Variants in VPS13B observed in about 807,000 individuals in gnomAD.
The protein encoded by VPS13B is vacuolar protein sorting 13 homolog B, also known as intermembrane lipid transfer protein VPS13B.
Under a neutral mutation model 426.4 loss-of-function variants are expected in VPS13B, and 285 were observed. That is an observed-to-expected ratio of 0.67 (90% confidence interval 0.61 to 0.74). The LOEUF (loss-of-function observed/expected upper bound fraction) is 0.74, where lower values mean the gene tolerates loss of function less well. VPS13B is among the 30% of genes least tolerant of loss of function. The pLI, the probability that VPS13B is intolerant of heterozygous loss-of-function variation, is 0.00. For missense variants in VPS13B, 4,537 were observed against 4,782.6 expected, an observed-to-expected ratio of 0.95 and a Z score of 1.51; for synonymous variants, 1,676 against 1,676.4, an observed-to-expected ratio of 1.00 and a Z score of 0.01.
chr8:99,181,614 A>G (rs375665204), intron 16 of VPS13B, among the ~76,000 whole-genome samples: 10 of 152,236 alleles, frequency 6.6e-5, no homozygotes, highest in African/African-American at 2.4e-4. Context: ...TGCCTGACAC[A>G]TAACAAGTTC....
chr8:99,859,495 TC>T lies in VPS13B; in HGVS notation c.11044+17del. On this transcript the variant is annotated intron_variant, in intron 57 of 61. Coordinates refer to ENST00000357162, the MANE Select transcript of VPS13B (RefSeq NM_152564.5). The stretch of plus-strand genomic sequence containing the variant: ...CATCTCCAAAGGTAGCGGGTTCCGT[TC>T]CTTGTAATAATGCCTTCACTCCTTC... The T allele has an allele frequency of 6.2e-7, 1 of 1,612,732 alleles. No individual in the cohort carries two copies. The highest frequency in any genetic ancestry group is 8.5e-7 in the Non-Finnish European group (1 of 1,179,940).
chr8:99,530,054 T>A (rs1020822866), intron 30 of VPS13B, among the ~76,000 whole-genome samples: 4 of 152,228 alleles, frequency 2.6e-5, no homozygotes, highest in Non-Finnish European at 5.9e-5. Context: ...AACTTCCAGT[T>A]TAGCCTTTCA....
At chr8:99,522,050 T>C (rs892187012) in intron 30 of VPS13B, among the ~76,000 whole-genome samples, 1 of 152,156 alleles carries the variant, frequency 6.6e-6, no homozygotes, top group African/African-American at 2.4e-5. Flanking sequence ...TTAGGAATTA[T>C]CTAACTCAAC....
intron 23 of VPS13B, among the ~76,000 whole-genome samples, chr8:99,455,165 A>T (rs1818389597): frequency 6.6e-6 from 1 of 152,144 alleles, no homozygotes; most frequent in Admixed American, 6.6e-5. Flanking sequence ...TGTTAGGTGT[A>T]AAAAGTCATC....
chr8:99,178,663 C>T (rs1209330130), intron 16 of VPS13B, among the ~76,000 whole-genome samples: 1 of 151,452 alleles, frequency 6.6e-6, no homozygotes, highest in Non-Finnish European at 1.5e-5. Flanking sequence ...GTTCTGTCAC[C>T]CAGGCTGGAG....
chr8:99,364,543 C>A (rs765990224), intron 19 of VPS13B, among the ~76,000 whole-genome samples: 23 of 152,092 alleles, frequency 1.5e-4, no homozygotes, highest in Non-Finnish European at 2.8e-4. Flanking sequence ...AGTGACCCTC[C>A]CACCTCAGCT....
intron 50 of VPS13B, among the ~76,000 whole-genome samples, chr8:99,822,095 C>T (rs1322446292): frequency 6.6e-6 from 1 of 152,152 alleles, no homozygotes; most frequent in Admixed American, 6.5e-5. Flanking sequence ...AATAATATAA[C>T]TAATCACATT....
intron 19 of VPS13B, among the ~76,000 whole-genome samples, chr8:99,381,286 T>G (rs563527503): frequency 1.3e-5 from 2 of 152,352 alleles, no homozygotes; most frequent in South Asian, 4.1e-4. Flanking sequence ...GTAACACATT[T>G]CCATTATCCA....
chr8:99,527,000 A>AT (rs536504537), intron 30 of VPS13B, among the ~76,000 whole-genome samples: 98 of 152,070 alleles, frequency 6.4e-4, no homozygotes, highest in Middle Eastern at 3.4e-3. Context: ...GATTAAATCC[A>AT]TTTTTTTTAC....
At chr8:99,424,413 A>C (rs1315112920) in intron 21 of VPS13B, 1 of 152,160 alleles carries the variant, frequency 6.6e-6, no homozygotes, top group East Asian at 1.9e-4. Flanking sequence ...ACTCACTCAA[A>C]ACCACTCAAC....
At chr8:99,699,955 G>A (rs762406789) in intron 36 of VPS13B, 23 bp downstream of exon 36, 3 of 1,612,100 alleles carry the variant, frequency 1.9e-6, no homozygotes, top group East Asian at 2.2e-5. Flanking sequence ...AAAGGGGAGG[G>A]GGGAGACAGA....
chr8:99,803,751 C>T (rs1025004974), intron 43 of VPS13B, among the ~76,000 whole-genome samples: 6 of 152,146 alleles, frequency 3.9e-5, no homozygotes, highest in Non-Finnish European at 2.9e-5. Flanking sequence ...CATTTTTATG[C>T]TAATTTAGTA....
Position 99,696,703 on chromosome 8 carries a change from C to A in VPS13B, c.6047-2822C>A, listed in dbSNP as rs542810874. On this transcript the variant is annotated intron_variant, in intron 35 of 61. Transcript: ENST00000357162. ...AAGAACATAGCAGCCAAGGGCAGTG[C>A]CACCAGACTTCTCCGTTTTCCCAGA... 103 of 829,304 alleles carry A rather than the reference C, an allele frequency of 1.2e-4. No individual in the cohort carries two copies. The African/African-American group carries it at 1.6e-3, about 13-fold the overall frequency. 51.4% of individuals were successfully genotyped at this position (829,304 alleles called of 1,614,324 possible). A position where few individuals can be genotyped will look rare whatever the true frequency, so the allele number is the denominator to read the frequency against.
At chr8:99,099,065 T>TATAG (rs1846589777) in intron 4 of VPS13B, among the ~76,000 whole-genome samples, 1 of 152,106 alleles carries the variant, frequency 6.6e-6, no homozygotes, top group South Asian at 2.1e-4. Context: ...TCTTAAATAA[T>TATAG]ATAGTATCAC....
intron 19 of VPS13B, among the ~76,000 whole-genome samples, chr8:99,278,224 G>A (rs1388900942): frequency 6.6e-6 from 1 of 152,126 alleles, no homozygotes; most frequent in Non-Finnish European, 1.5e-5. Flanking sequence ...GGGGATGGGT[G>A]GTTAAATGGG....
Position 99,766,928 on chromosome 8 carries a change from GA to G in VPS13B, c.7207del (p.Ile2403LeufsTer3). 1 of 1,613,968 alleles carries G rather than the reference GA, an allele frequency of 6.2e-7. No individual in the cohort carries two copies. The highest frequency in any genetic ancestry group is 2.2e-5 in the East Asian group (1 of 44,802). On this transcript the variant is annotated frameshift_variant, in exon 40 of 62. Transcript: ENST00000357162. LOFTEE classifies it high-confidence loss of function. The part of the protein sequence containing the change: ...QKKLVSSDLW[R>X]IVLNSSQNGA... ...AAATTAGTATCTTCAGATCTTTGGA[GA>G]ATTGTCTTGAACAGCAGTCAAAATG...
chr8:99,414,234 C>G lies in VPS13B; in HGVS notation c.3083-17303C>G, dbSNP rs577610878. 4.8e-5 allele frequency among the ~76,000 whole-genome samples: 7 copies of G among 147,334 alleles called. No individual in the cohort carries two copies. In the South Asian group the frequency reaches 1.5e-3, roughly 31 times the overall value. On this transcript the variant is annotated intron_variant, in intron 21 of 61. Transcript: ENST00000357162. ...TTTTATCAGAGACTAGGATTGCAAC[C>G]CCTGCTTTTTTTTTTTTTTTGCTTT... is the stretch of plus-strand genomic sequence containing the variant.
intron 56 of VPS13B, among the ~76,000 whole-genome samples, chr8:99,857,887 T>C (rs2130928854): frequency 6.6e-6 from 1 of 152,334 alleles, no homozygotes; most frequent in Middle Eastern, 3.4e-3. Flanking sequence ...CCAGAAATTA[T>C]TCCCTCCTTT....
At chr8:99,722,270 GT>G (rs1427841785) in intron 39 of VPS13B, among the ~76,000 whole-genome samples, 1 of 152,074 alleles carries the variant, frequency 6.6e-6, no homozygotes, top group Non-Finnish European at 1.5e-5. Context: ...GCATTTCCTT[GT>G]TTTGCTTTCT....
Sources: gnomAD v4.1 joint callset for allele counts (sites outside exome capture counted in the v4.1 genomes callset) on GRCh38, gnomAD v4.1.1 for gene constraint, MANE v1.5 for transcripts, NCBI Gene and HGNC (gene_info 2026-07-23, HGNC 2026-07-21) for gene names.